The following DOCK5 variants were observed in gnomAD, a reference collection of about 807,000 sequenced individuals.
DOCK5 encodes dedicator of cytokinesis 5.
In DOCK5, 142 loss-of-function variants were observed where a neutral mutation model predicts 251.8. The ratio of observed to expected loss-of-function variants is 0.56; its 90% CI spans 0.49 to 0.65. The LOEUF is 0.65. Among genes scored for constraint, DOCK5 ranks in the 30% least tolerant of loss-of-function variants. The probability of loss-of-function intolerance (pLI) is 0.00; values close to 1 mark genes in which losing one functional copy is unlikely to be tolerated. For synonymous variants in DOCK5, 842 were observed against 835.5 expected (o/e 1.01, Z -0.13); for missense variants, 2,111 against 2,312.3 (o/e 0.91, Z 1.79).
At chr8:25,390,327 C>A in intron 42 of DOCK5, 40 bp downstream of exon 42, 1 of 1,441,458 alleles carries the variant, frequency 6.9e-7, no homozygotes, top group South Asian at 1.2e-5. Context: ...AAATCTGTGT[C>A]TAGGCACAGT....
chr8:25,329,398 T>A (rs1805632307), intron 18 of DOCK5, among the ~76,000 whole-genome samples: 1 of 152,162 alleles, frequency 6.6e-6, no homozygotes, highest in Non-Finnish European at 1.5e-5. Flanking sequence ...CAAAATCTAT[T>A]CTCTTAGCAA....
intron 38 of DOCK5, among the ~76,000 whole-genome samples, chr8:25,377,875 C>G (rs1378478990): frequency 6.6e-6 from 1 of 151,664 alleles, no homozygotes; most frequent in Non-Finnish European, 1.5e-5. Flanking sequence ...GAAGCTCACC[C>G]AAGCCATGGG....
At chr8:25,187,711 G>C (rs57646049) in intron 1 of DOCK5, among the ~76,000 whole-genome samples, 1 of 151,688 alleles carries the variant, frequency 6.6e-6, no homozygotes, top group Non-Finnish European at 1.5e-5. Context: ...ATTATCTCTC[G>C]AGGCTTCTTT....
chr8:25,338,075 G>C (rs551362646), intron 22 of DOCK5, among the ~76,000 whole-genome samples: 1 of 152,044 alleles, frequency 6.6e-6, no homozygotes, highest in East Asian at 1.9e-4. Flanking sequence ...ACAGGGTCTG[G>C]CTCTGTCACC....
chr8:25,404,675 CAATG>C (rs1801493877), intron 48 of DOCK5, among the ~76,000 whole-genome samples: 1 of 151,918 alleles, frequency 6.6e-6, no homozygotes, highest in Admixed American at 6.6e-5. Context: ...TTCAGTGTGA[CAATG>C]AATAACCTTA....
At chr8:25,261,915 A>G (rs1474424549) in intron 2 of DOCK5, among the ~76,000 whole-genome samples, 1 of 152,178 alleles carries the variant, frequency 6.6e-6, no homozygotes, top group Non-Finnish European at 1.5e-5. Flanking sequence ...TTCATCCATG[A>G]TGTTGCACAT....
chr8:25,342,376 A>G (rs556241975), intron 24 of DOCK5, 25 bp from the exon 25 acceptor site: 17 of 1,548,518 alleles, frequency 1.1e-5, no homozygotes, highest in South Asian at 3.5e-5. Flanking sequence ...CGAAGACACT[A>G]CTAACCCTGA....
intron 1 of DOCK5, among the ~76,000 whole-genome samples, chr8:25,205,499 G>T (rs117868081): frequency 6.6e-6 from 1 of 152,174 alleles, no homozygotes; most frequent in Admixed American, 6.5e-5. Context: ...AGGGAGTTGC[G>T]TGTTATTTGA....
intron 5 of DOCK5, among the ~76,000 whole-genome samples, chr8:25,289,959 A>G (rs1208017866): frequency 6.6e-6 from 1 of 152,208 alleles, no homozygotes; most frequent in Non-Finnish European, 1.5e-5. Flanking sequence ...CTCTGAACGC[A>G]GTACCTAAAG....
chr8:25,349,788 C>T (rs994366088), intron 26 of DOCK5, among the ~76,000 whole-genome samples: 6 of 152,076 alleles, frequency 3.9e-5, no homozygotes, highest in African/African-American at 1.2e-4. Context: ...GGTGGGTGAG[C>T]GATAAAAGAC....
chr8:25,377,454 G>A (rs774316081), intron 38 of DOCK5, 30 bp downstream of exon 38: 2 of 1,606,056 alleles, frequency 1.2e-6, no homozygotes, highest in Non-Finnish European at 1.7e-6. Flanking sequence ...TGTACTAGGG[G>A]AAAGAGGAAA....
chr8:25,389,333 A>G, intron 41 of DOCK5, 101 bp downstream of exon 41: 1 of 1,419,184 alleles, frequency 7.0e-7, no homozygotes, highest in Admixed American at 2.2e-5. Flanking sequence ...CTCTGCAGAC[A>G]CACCATCTTC....
At chr8:25,314,945 C>T (rs891077209) in intron 13 of DOCK5, among the ~76,000 whole-genome samples, 55 of 149,948 alleles carry the variant, frequency 3.7e-4, no homozygotes, top group Admixed American at 5.4e-4. Flanking sequence ...ATTGGAGCTA[C>T]GATGACCTCT....
rs150688599 is a variant in DOCK5, at chr8:25,240,020, G to A, written c.44-3654G>A. Among the ~76,000 whole-genome samples the A allele has an allele frequency of 6.7e-3, 1,020 of 152,282 alleles. 10 individuals are homozygous for A. Among genetic ancestry groups the A allele is most frequent in the African/African-American group, 0.023 (971 of 41,576 alleles). The stretch of plus-strand genomic sequence containing the variant: ...CAGGGTGCACTGCAGGCCCAGGGAA[G>A]AGCTGGGAAGAGCCGGGAAGACCCA... On this transcript the variant is annotated intron_variant, in intron 1 of 51. Transcript: ENST00000276440.
intron 2 of DOCK5, among the ~76,000 whole-genome samples, chr8:25,254,801 A>AAC (rs1803374432): frequency 6.7e-6 from 1 of 148,394 alleles, no homozygotes; most frequent in Non-Finnish European, 1.5e-5. Flanking sequence ...AACAAAAAAA[A>AAC]AAAACATTTG....
intron 1 of DOCK5, among the ~76,000 whole-genome samples, chr8:25,188,215 C>T (rs927359101): frequency 6.6e-6 from 1 of 152,198 alleles, no homozygotes; most frequent in African/African-American, 2.4e-5. Flanking sequence ...GGGAGAGCCT[C>T]CACTCTGTCT....
intron 6 of DOCK5, among the ~76,000 whole-genome samples, chr8:25,292,853 G>C (rs1804529450): frequency 6.6e-6 from 1 of 152,178 alleles, no homozygotes; most frequent in Non-Finnish European, 1.5e-5. Flanking sequence ...ATCAATACCA[G>C]ACTCATTCTC....
chr8:25,229,889 A>G (rs1391536504), intron 1 of DOCK5, among the ~76,000 whole-genome samples: 1 of 152,178 alleles, frequency 6.6e-6, no homozygotes, highest in Non-Finnish European at 1.5e-5. Flanking sequence ...TATTATAAAG[A>G]TCACTAATGT....
intron 13 of DOCK5, among the ~76,000 whole-genome samples, chr8:25,315,506 G>A (rs1205337764): frequency 6.6e-6 from 1 of 152,222 alleles, no homozygotes; most frequent in African/African-American, 2.4e-5. Context: ...GCACACGCCT[G>A]CTGCAGAGTA....
Sources: gnomAD v4.1 joint callset for allele counts (sites outside exome capture counted in the v4.1 genomes callset) on GRCh38, gnomAD v4.1.1 for gene constraint, MANE v1.5 for transcripts, NCBI Gene and HGNC (gene_info 2026-07-23, HGNC 2026-07-21) for gene names.